The following PARD3 variants were observed in gnomAD, a reference collection of about 807,000 sequenced individuals.
The protein encoded by PARD3 is par-3 family cell polarity regulator.
In PARD3, 75 loss-of-function variants were observed where a neutral mutation model predicts 155.4. The observed-to-expected ratio is 0.48, with a 90% CI of 0.40 to 0.58. PARD3 has a LOEUF of 0.58. Ranked by LOEUF, PARD3 falls within the 20% of genes least tolerant of loss-of-function variation. The pLI is 0.00. For missense variants in PARD3, 1,642 were observed against 1,721.7 expected (o/e 0.95, Z 0.82); for synonymous variants, 576 against 610.5 (o/e 0.94, Z 0.83).
chr10:34,145,227 T>TTTTTTTATTTA (rs1948445571), intron 22 of PARD3, among the ~76,000 whole-genome samples: 4 of 101,510 alleles, frequency 3.9e-5, no homozygotes, highest in African/African-American at 1.6e-4. Context: ...ATATATTTTT[T>TTTTTTTATTTA]TTTTTTTTTT....
intron 10 of PARD3, 35 bp downstream of exon 10, chr10:34,377,932 G>A: frequency 6.8e-7 from 1 of 1,467,264 alleles, no homozygotes. Context: ...AACATTTCAA[G>A]AATCAGGGAA....
At chr10:34,360,377 G>T (rs1238642171) in intron 12 of PARD3, 118 bp from the exon 13 acceptor site, 3 of 659,976 alleles carry the variant, frequency 4.5e-6, no homozygotes, top group Non-Finnish European at 7.8e-6. Flanking sequence ...TTTCCATGAA[G>T]GTTCCACAGC....
intron 2 of PARD3, among the ~76,000 whole-genome samples, chr10:34,695,800 C>T (rs2094159734): frequency 6.6e-6 from 1 of 151,546 alleles, no homozygotes; most frequent in Non-Finnish European, 1.5e-5. Flanking sequence ...TGGCCCATCG[C>T]ACAGCAAGGC....
At chr10:34,204,990 G>A (rs1406684767) in intron 22 of PARD3, among the ~76,000 whole-genome samples, 4 of 152,154 alleles carry the variant, frequency 2.6e-5, no homozygotes, top group South Asian at 2.1e-4. Flanking sequence ...TAAGCCAAAC[G>A]ATTGTGCCTG....
intron 5 of PARD3, among the ~76,000 whole-genome samples, chr10:34,432,730 C>G (rs1268752202): frequency 6.6e-6 from 1 of 152,154 alleles, no homozygotes; most frequent in Non-Finnish European, 1.5e-5. Context: ...CATGTTGAAT[C>G]TGAGTGATCA....
intron 1 of PARD3, among the ~76,000 whole-genome samples, chr10:34,757,170 A>T (rs1448989132): frequency 6.6e-6 from 1 of 152,192 alleles, no homozygotes; most frequent in Non-Finnish European, 1.5e-5. Context: ...ACTTCCTCAC[A>T]TCTAAAATAC....
chr10:34,241,213 G>C (rs1953569517), intron 22 of PARD3, among the ~76,000 whole-genome samples: 1 of 152,188 alleles, frequency 6.6e-6, no homozygotes, highest in African/African-American at 2.4e-5. Context: ...ATGCTAAAGA[G>C]GAAACTCTGA....
At chr10:34,711,098 C>T (rs2094443392) in intron 1 of PARD3, among the ~76,000 whole-genome samples, 1 of 152,034 alleles carries the variant, frequency 6.6e-6, no homozygotes, top group Non-Finnish European at 1.5e-5. Context: ...ATCACTTGAG[C>T]CCAAAAATTC....
At position 34,444,771 on chromosome 10, in the gene PARD3, A is replaced by C. The variant is rs530308426; in HGVS notation, c.714+5546T>G. On this transcript the variant is annotated intron_variant, in intron 5 of 24. Coordinates refer to ENST00000374788, the MANE Select transcript of PARD3 (RefSeq NM_001184785.2). Reference sequence around the variant, plus strand: ...CCCGTAAGTAGGACCAATACCACCCAAAGAATAAGACACCCCAGACTTCTA... The same window carrying C: ...CCCGTAAGTAGGACCAATACCACCCCAAGAATAAGACACCCCAGACTTCTA... Among the ~76,000 whole-genome samples the C allele has an allele frequency of 1.1e-4, 17 of 152,340 alleles. No homozygotes were observed. The South Asian group carries it at 3.1e-3, about 28-fold the overall frequency.
chr10:34,285,184 T>A (rs938924727), intron 20 of PARD3, among the ~76,000 whole-genome samples: 9 of 152,216 alleles, frequency 5.9e-5, no homozygotes, highest in Admixed American at 5.2e-4. Flanking sequence ...GTCACACAAC[T>A]AAGCATTCAG....
intron 2 of PARD3, among the ~76,000 whole-genome samples, chr10:34,562,113 C>T (rs1209293633): frequency 2.0e-5 from 2 of 102,068 alleles, no homozygotes; most frequent in Admixed American, 1.4e-4. Context: ...GTGACGGAGC[C>T]TGACTGTCTC....
intron 4 of PARD3, among the ~76,000 whole-genome samples, chr10:34,468,284 TC>T (rs988055350): frequency 6.6e-5 from 10 of 152,214 alleles, no homozygotes; most frequent in African/African-American, 1.7e-4. Flanking sequence ...AGTGATAAAT[TC>T]CTTTTGTTCA....
At chr10:34,429,929 T>C (rs1324158551) in intron 5 of PARD3, among the ~76,000 whole-genome samples, 1 of 152,180 alleles carries the variant, frequency 6.6e-6, no homozygotes, top group African/African-American at 2.4e-5. Context: ...GGATTCTCAT[T>C]ATGCTGCCCA....
At chr10:34,236,938 T>C (rs1953270836) in intron 22 of PARD3, among the ~76,000 whole-genome samples, 1 of 152,172 alleles carries the variant, frequency 6.6e-6, no homozygotes, top group Non-Finnish European at 1.5e-5. Context: ...TTTATCAAAG[T>C]TGACGTTAAA....
chr10:34,131,596 T>G lies in PARD3; in HGVS notation c.3420-13A>C, dbSNP rs374078060. 2.2e-5 allele frequency: 36 copies of G among 1,613,060 alleles called. No homozygotes were observed. In the Middle Eastern group the frequency reaches 6.6e-4, roughly 29 times the overall value. Reference sequence around the variant, plus strand: ...AGTTGATCTGTTACTGAAAGAGAGATGAGGCAGCAGTGAATACCCTTCAGA... The same window carrying G: ...AGTTGATCTGTTACTGAAAGAGAGAGGAGGCAGCAGTGAATACCCTTCAGA... On this transcript the variant is annotated splice_polypyrimidine_tract_variant and intron_variant, in intron 22 of 24. Transcript: ENST00000374788.
At chr10:34,360,030 T>G in intron 13 of PARD3, 41 bp downstream of exon 13, 1 of 1,492,612 alleles carries the variant, frequency 6.7e-7, no homozygotes, top group Non-Finnish European at 9.3e-7. Flanking sequence ...GAAATTAAAA[T>G]TTTTGTTAAT....
At chr10:34,315,035 AT>A (rs1321937530) in intron 20 of PARD3, among the ~76,000 whole-genome samples, 1 of 152,102 alleles carries the variant, frequency 6.6e-6, no homozygotes, top group Non-Finnish European at 1.5e-5. Flanking sequence ...TATCAGCCTA[AT>A]TTTTAGGGGG....
intron 22 of PARD3, among the ~76,000 whole-genome samples, chr10:34,200,668 A>G (rs186256081): frequency 1.3e-5 from 2 of 152,252 alleles, no homozygotes; most frequent in African/African-American, 4.8e-5. Context: ...ACAGTAAAAA[A>G]TAGAGGACTA....
chr10:34,724,286 G>C (rs1009045446), intron 1 of PARD3, among the ~76,000 whole-genome samples: 1 of 152,036 alleles, frequency 6.6e-6, no homozygotes, highest in African/African-American at 2.4e-5. Context: ...CTTTCTCCAT[G>C]CAACTAAAAT....
Sources: allele counts gnomAD v4.1 joint callset (sites outside exome capture counted in the v4.1 genomes callset), GRCh38; gene constraint gnomAD v4.1.1; transcripts MANE v1.5; gene names NCBI Gene and HGNC (gene_info 2026-07-23, HGNC 2026-07-21).